LRRC7: variants seen among roughly 807,000 people sequenced by gnomAD.
LRRC7 encodes the protein leucine-rich repeat-containing protein 7.
Under a neutral mutation model 175.7 loss-of-function variants are expected in LRRC7, and 23 were observed. The ratio of observed to expected loss-of-function variants is 0.13; its 90% CI spans 0.09 to 0.19. LRRC7 has a LOEUF of 0.19. LRRC7 is among the 10% of genes least tolerant of loss of function. LRRC7 has a pLI of 1.00. For synonymous variants in LRRC7, 685 were observed against 680.9 expected (o/e 1.01, Z -0.09); for missense variants, 1,354 against 1,904.7 (o/e 0.71, Z 5.38).
Position 69,778,544 on chromosome 1 carries a change from A to G in LRRC7, c.304-13499A>G, listed in dbSNP as rs12044807. Reference sequence around the variant, plus strand: ...ACAACCAATCCTGCTTTGCTTGGGGATCAGGGAGGTCCACCTGGCAGAAGT... The same window carrying G: ...ACAACCAATCCTGCTTTGCTTGGGGGTCAGGGAGGTCCACCTGGCAGAAGT... On this transcript the variant is annotated intron_variant, in intron 3 of 26. Coordinates refer to ENST00000651989, the MANE Select transcript of LRRC7 (RefSeq NM_001370785.2). Among the ~76,000 whole-genome samples, 2,468 of 152,284 alleles carry G rather than the reference A, an allele frequency of 0.016. 105 individuals are homozygous for G. In the East Asian group the frequency reaches 0.17, roughly 11 times the overall value.
chr1:70,105,590 A>T (rs1370180263), intron 25 of LRRC7, among the ~76,000 whole-genome samples: 1 of 152,170 alleles, frequency 6.6e-6, no homozygotes, highest in Admixed American at 6.6e-5. Context: ...GTGTACTTCT[A>T]CATCAGCCAT....
chr1:69,645,613 T>C (rs1053005976), intron 1 of LRRC7, among the ~76,000 whole-genome samples: 1 of 152,114 alleles, frequency 6.6e-6, no homozygotes, highest in Non-Finnish European at 1.5e-5. Flanking sequence ...ACTCAGTCTT[T>C]GTTTGAACTG....
intron 2 of LRRC7, among the ~76,000 whole-genome samples, chr1:69,732,756 T>G (rs1311038320): frequency 6.6e-6 from 1 of 152,060 alleles, no homozygotes. Context: ...AATATTTTAG[T>G]TTACTTGAAC....
intron 1 of LRRC7, among the ~76,000 whole-genome samples, chr1:69,569,906 CAAAA>C (rs71071364): frequency 8.2e-4 from 71 of 87,078 alleles, no homozygotes; most frequent in East Asian, 4.5e-3. Flanking sequence ...AAAGGAATTA[CAAAA>C]AAAAAAAAAA....
chr1:69,764,774 T>TAGAC lies in LRRC7; in HGVS notation c.303+4384_303+4385insCAGA, dbSNP rs1228933946. ...ATAGATAGATAGATAGATAGATAGA[T>TAGAC]AGATAGACAGACAGACAGATAGATA... On this transcript the variant is annotated intron_variant, in intron 3 of 26. Transcript: ENST00000651989. 4.3e-3 allele frequency among the ~76,000 whole-genome samples: 626 copies of TAGAC among 144,676 alleles called. 4 individuals are homozygous for TAGAC. Among genetic ancestry groups the TAGAC allele is most frequent in the South Asian group, 0.012 (54 of 4,528 alleles). The allele number at this position is 144,676 out of a possible 152,430, so 94.9% of individuals were successfully genotyped here. A position where few individuals can be genotyped will look rare whatever the true frequency, so the allele number is the denominator to read the frequency against.
chr1:69,731,427 C>A (rs1015563080), intron 2 of LRRC7, among the ~76,000 whole-genome samples: 1 of 152,100 alleles, frequency 6.6e-6, no homozygotes. Context: ...ATGGGAACTA[C>A]AATTCAAGAT....
At chr1:70,007,703 T>A (rs567569641) in intron 11 of LRRC7, among the ~76,000 whole-genome samples, 10 of 152,326 alleles carry the variant, frequency 6.6e-5, no homozygotes, top group Admixed American at 1.3e-4. Context: ...TAAGTTTAGA[T>A]CCACTTCCAA....
intron 1 of LRRC7, among the ~76,000 whole-genome samples, chr1:69,591,960 A>G (rs537792290): frequency 3.3e-4 from 50 of 152,172 alleles, no homozygotes; most frequent in South Asian, 8.3e-4. Flanking sequence ...ATTCAAAAAT[A>G]TATTAATCTA....
chr1:69,919,093 A>G (rs952455776), intron 7 of LRRC7, among the ~76,000 whole-genome samples: 5 of 152,196 alleles, frequency 3.3e-5, no homozygotes, highest in Admixed American at 1.3e-4. Context: ...CTACACTAAT[A>G]TAAAGGTAAG....
chr1:70,047,509 A>C (rs1250345385), intron 22 of LRRC7, among the ~76,000 whole-genome samples: 2 of 152,140 alleles, frequency 1.3e-5, no homozygotes, highest in African/African-American at 2.4e-5. Flanking sequence ...TCTTTAAACA[A>C]ATTTGTAATA....
At chr1:69,741,888 A>G (rs1668753133) in intron 2 of LRRC7, among the ~76,000 whole-genome samples, 1 of 151,996 alleles carries the variant, frequency 6.6e-6, no homozygotes, top group Non-Finnish European at 1.5e-5. Flanking sequence ...ACAAACGCAA[A>G]TCTGATCAGA....
intron 11 of LRRC7, among the ~76,000 whole-genome samples, chr1:70,001,069 A>G (rs1449029409): frequency 6.6e-6 from 1 of 152,176 alleles, no homozygotes; most frequent in Non-Finnish European, 1.5e-5. Flanking sequence ...CTCATAATGT[A>G]TATACCTCAC....
Position 70,038,412 on chromosome 1 carries a change from A to T in LRRC7, c.2588A>T (p.Gln863Leu). 3 of 1,614,114 alleles carry T rather than the reference A, an allele frequency of 1.9e-6. No homozygotes were observed. The highest frequency in any genetic ancestry group is 2.5e-6 in the Non-Finnish European group (3 of 1,179,998). Reference sequence around the variant, plus strand: ...GTTGGTGTTCCCCTGGAACTCGAGCAGTCTACACACAGACACACACCAGAA... The same window carrying T: ...GTTGGTGTTCCCCTGGAACTCGAGCTGTCTACACACAGACACACACCAGAA... ...RIVGVPLELE[Q>L]STHRHTPETE... The change falls in exon 21 of 27, where the codon CAG becomes CTG. Residue 863 changes from glutamine to leucine, a missense_variant. Gln to Leu is a moderately radical substitution (Grantham distance 113). Around this residue, in one of 4 missense-constraint regions of LRRC7, gnomAD observed 1,032 missense variants for 1,227.2 expected, o/e 0.84. Coordinates refer to ENST00000651989, the MANE Select transcript of LRRC7 (RefSeq NM_001370785.2).
intron 23 of LRRC7, among the ~76,000 whole-genome samples, chr1:70,062,809 G>T (rs1405400885): frequency 1.3e-5 from 2 of 151,880 alleles, no homozygotes; most frequent in Non-Finnish European, 2.9e-5. Context: ...ATTGATTTTA[G>T]TATTATTTAA....
intron 25 of LRRC7, among the ~76,000 whole-genome samples, chr1:70,098,822 A>G (rs1664598098): frequency 6.6e-6 from 1 of 150,932 alleles, no homozygotes; most frequent in African/African-American, 2.4e-5. Flanking sequence ...AATTGTGGCA[A>G]TAATCAATAG....
At chr1:69,805,533 A>T (rs553551906) in intron 4 of LRRC7, among the ~76,000 whole-genome samples, 1 of 151,890 alleles carries the variant, frequency 6.6e-6, no homozygotes, top group Non-Finnish European at 1.5e-5. Context: ...TCTATTAAAT[A>T]TCTCACTTTC....
intron 23 of LRRC7, among the ~76,000 whole-genome samples, chr1:70,059,729 G>C (rs953331767): frequency 7.9e-5 from 12 of 151,876 alleles, no homozygotes; most frequent in African/African-American, 2.7e-4. Context: ...AGAAAGGTAA[G>C]ATCTAAAATA....
intron 7 of LRRC7, among the ~76,000 whole-genome samples, chr1:69,849,410 C>T (rs2101448071): frequency 6.6e-6 from 1 of 152,052 alleles, no homozygotes; most frequent in Non-Finnish European, 1.5e-5. Context: ...AAAGCAAAAA[C>T]TTCATTTTGC....
intron 11 of LRRC7, among the ~76,000 whole-genome samples, chr1:69,999,815 A>G (rs1377665084): frequency 1.3e-5 from 2 of 152,166 alleles, no homozygotes; most frequent in Non-Finnish European, 2.9e-5. Flanking sequence ...TTTTGAAATC[A>G]TCTGAAGTAG....
Sources: gnomAD v4.1 joint callset for allele counts (sites outside exome capture counted in the v4.1 genomes callset) on GRCh38, gnomAD v4.1.1 for gene constraint, gnomAD v4.1.1 regional missense constraint, MANE v1.5 for transcripts, NCBI Gene and HGNC (gene_info 2026-07-23, HGNC 2026-07-21) for gene names.